The following GRM5 variants were observed in gnomAD, a reference collection of about 807,000 sequenced individuals.
GRM5 encodes the protein metabotropic glutamate receptor 5.
In GRM5, 19 loss-of-function variants were observed where a neutral mutation model predicts 83.1. The ratio of observed to expected loss-of-function variants is 0.23; its 90% CI spans 0.16 to 0.34. The LOEUF is 0.34. GRM5 is among the 10% of genes least tolerant of loss of function. GRM5 has a pLI of 1.00. For missense variants in GRM5, 1,160 were observed against 1,588.3 expected (o/e 0.73, Z 4.58); for synonymous variants, 675 against 633.6 (o/e 1.07, Z -0.98).
chr11:88,535,506 G>A (rs911619057), intron 8 of GRM5, among the ~76,000 whole-genome samples: 1 of 152,226 alleles, frequency 6.6e-6, no homozygotes, highest in South Asian at 2.1e-4. Context: ...GTCGAAATAA[G>A]TAGGTCCTTG....
intron 8 of GRM5, among the ~76,000 whole-genome samples, chr11:88,547,197 G>T (rs1438769000): frequency 6.6e-6 from 1 of 152,092 alleles, no homozygotes; most frequent in Non-Finnish European, 1.5e-5. Context: ...TGGGAAGAAA[G>T]AAACTATTAC....
chr11:88,509,455 C>T lies in GRM5; in HGVS notation c.2776G>A (p.Gly926Arg), dbSNP rs1424360252. The change falls in exon 10 of 10, where the codon GGG (glycine) becomes AGG (arginine). Residue 926 changes from glycine (G) to arginine (R), a missense_variant. Physicochemically the swap from Gly to Arg is moderately radical, Grantham distance 125. This residue lies in a region of GRM5 where 562 missense variants were observed against 532.4 expected (regional missense o/e 1.06). Coordinates refer to ENST00000305447, the MANE Select transcript of GRM5 (RefSeq NM_001143831.3). ...TWAQNEKSSR[G>R]QHLWQRLSIH... ...GACAGGCGCTGCCACAGGTGCTGCCCCCGGCTGCTCTTCTCATTCTGGGCC... is the reference window on the plus strand; with the variant it reads ...GACAGGCGCTGCCACAGGTGCTGCCTCCGGCTGCTCTTCTCATTCTGGGCC... The T allele has an allele frequency of 6.2e-7, 1 of 1,612,524 alleles. No homozygotes were observed. Among genetic ancestry groups the T allele is most frequent in the South Asian group, 1.1e-5 (1 of 91,002 alleles).
intron 2 of GRM5, among the ~76,000 whole-genome samples, chr11:88,966,753 C>G (rs1349878450): frequency 1.3e-5 from 2 of 152,014 alleles, no homozygotes; most frequent in Non-Finnish European, 2.9e-5. Context: ...TTTGAAGTCT[C>G]CCCCCTGGGT....
chr11:88,771,212 T>C (rs1222256352), intron 3 of GRM5, among the ~76,000 whole-genome samples: 4 of 151,938 alleles, frequency 2.6e-5, no homozygotes, highest in Non-Finnish European at 5.9e-5. Flanking sequence ...TCCAGAAGGA[T>C]AGAACTAATA....
At chr11:88,524,347 A>G (rs1431380453) in intron 9 of GRM5, among the ~76,000 whole-genome samples, 1 of 151,148 alleles carries the variant, frequency 6.6e-6, no homozygotes, top group Non-Finnish European at 1.5e-5. Context: ...TCTCCTGAGT[A>G]GCTGGAATTA....
intron 7 of GRM5, among the ~76,000 whole-genome samples, chr11:88,571,529 G>A (rs1457280391): frequency 3.9e-5 from 6 of 152,042 alleles, no homozygotes; most frequent in South Asian, 4.1e-4. Flanking sequence ...AAATGGATGC[G>A]TATCACAATC....
intron 2 of GRM5, among the ~76,000 whole-genome samples, chr11:88,990,927 G>C (rs1435748660): frequency 6.6e-6 from 1 of 152,120 alleles, no homozygotes; most frequent in East Asian, 1.9e-4. Flanking sequence ...GCAAAAACTG[G>C]AAGCATTCCC....
intron 9 of GRM5, among the ~76,000 whole-genome samples, chr11:88,519,740 G>C (rs998555309): frequency 1.3e-5 from 2 of 152,022 alleles, no homozygotes; most frequent in African/African-American, 4.8e-5. Flanking sequence ...ATGGTGGCAG[G>C]GTAGAGAAAG....
At chr11:89,039,336 T>A (rs1448511363) in intron 2 of GRM5, among the ~76,000 whole-genome samples, 2 of 151,826 alleles carry the variant, frequency 1.3e-5, no homozygotes, top group African/African-American at 4.8e-5. Flanking sequence ...AAGATCCCAA[T>A]GGCAACTGAT....
chr11:88,525,646 C>T (rs1941855182), intron 8 of GRM5, among the ~76,000 whole-genome samples: 1 of 152,076 alleles, frequency 6.6e-6, no homozygotes. Context: ...TTTCACATTG[C>T]CTATTAAACT....
intron 8 of GRM5, among the ~76,000 whole-genome samples, chr11:88,530,557 A>C (rs2135116457): frequency 6.6e-6 from 1 of 152,178 alleles, no homozygotes; most frequent in South Asian, 2.1e-4. Context: ...TGTGCAGGTA[A>C]GAATAACTTA....
At chr11:88,541,407 T>A (rs1193560895) in intron 8 of GRM5, among the ~76,000 whole-genome samples, 1 of 152,198 alleles carries the variant, frequency 6.6e-6, no homozygotes, top group Non-Finnish European at 1.5e-5. Context: ...ATCATCTGTA[T>A]ACATACAAGT....
intron 2 of GRM5, among the ~76,000 whole-genome samples, chr11:88,870,250 C>T (rs1197249275): frequency 1.3e-5 from 2 of 151,288 alleles, no homozygotes; most frequent in Non-Finnish European, 3.0e-5. Context: ...AGAGAAGTCC[C>T]CAAGACAGAC....
At chr11:88,572,074 G>T (rs1453962655) in intron 7 of GRM5, among the ~76,000 whole-genome samples, 1 of 152,196 alleles carries the variant, frequency 6.6e-6, no homozygotes, top group African/African-American at 2.4e-5. Context: ...AGGAAGCAAA[G>T]GGTCACATTT....
chr11:88,877,841 A>AAAAT (rs1555033061), intron 2 of GRM5, among the ~76,000 whole-genome samples: 1 of 146,654 alleles, frequency 6.8e-6, no homozygotes. Context: ...AAAAAAAAAA[A>AAAAT]GCAGAAAGAA....
intron 3 of GRM5, among the ~76,000 whole-genome samples, chr11:88,806,320 CTCAA>C (rs1263785091): frequency 6.6e-6 from 1 of 152,136 alleles, no homozygotes; most frequent in Non-Finnish European, 1.5e-5. Context: ...TCCAGGAATT[CTCAA>C]TCATTTATTT....
intron 4 of GRM5, among the ~76,000 whole-genome samples, chr11:88,608,363 C>G (rs750146275): frequency 2.6e-5 from 4 of 152,050 alleles, no homozygotes; most frequent in Non-Finnish European, 4.4e-5. Flanking sequence ...AATTGCATCT[C>G]TACCTCCCCC....
chr11:89,057,785 G>A (rs1299406494), intron 1 of GRM5, among the ~76,000 whole-genome samples: 1 of 152,064 alleles, frequency 6.6e-6, no homozygotes, highest in African/African-American at 2.4e-5. Flanking sequence ...AAATGCTTGA[G>A]ACCGTGGTTT....
intron 3 of GRM5, among the ~76,000 whole-genome samples, chr11:88,816,569 A>C (rs1283168959): frequency 6.6e-6 from 1 of 150,612 alleles, no homozygotes; most frequent in East Asian, 1.9e-4. Context: ...AGAAAAGAAA[A>C]AGAAATTGGA....
Sources: gnomAD v4.1 joint callset for allele counts (sites outside exome capture counted in the v4.1 genomes callset) on GRCh38, gnomAD v4.1.1 for gene constraint, gnomAD v4.1.1 regional missense constraint, MANE v1.5 for transcripts, NCBI Gene and HGNC (gene_info 2026-07-23, HGNC 2026-07-21) for gene names.